ABCC1: variants seen among roughly 807,000 people sequenced by gnomAD.
ABCC1 encodes ATP binding cassette subfamily C member 1 (ABCC1 blood group), also known as multidrug resistance-associated protein 1.
In ABCC1, 83 loss-of-function variants were observed where a neutral mutation model predicts 172.9. The observed-to-expected ratio is 0.48, with a 90% CI of 0.40 to 0.58. The LOEUF (loss-of-function observed/expected upper bound fraction) is 0.58, where lower values mean the gene tolerates loss of function less well. ABCC1 is among the 20% of genes least tolerant of loss of function. The pLI is 0.00. For synonymous variants in ABCC1, 937 were observed against 825.2 expected, an observed-to-expected ratio of 1.14 and a Z score of -2.32; for missense variants, 1,817 against 2,002.7, an observed-to-expected ratio of 0.91 and a Z score of 1.77.
At chr16:16,026,464 CCTTTTTTTTTT>C (rs2048376302) in intron 5 of ABCC1, among the ~76,000 whole-genome samples, 1 of 102,260 alleles carries the variant, frequency 9.8e-6, no homozygotes. Flanking sequence ...AAGGCTATTT[CCTTTTTTTTTT>C]TTTTTTTTTT....
chr16:16,009,460 T>G (rs2047685062), intron 2 of ABCC1, among the ~76,000 whole-genome samples: 1 of 152,142 alleles, frequency 6.6e-6, no homozygotes, highest in Non-Finnish European at 1.5e-5. Flanking sequence ...GCGCCGGAGT[T>G]GCAGCTAGAG....
In ABCC1 at chr16:16,115,091, C is replaced by G. The variant is rs201402796; in HGVS notation, c.3390+15C>G. 2,118 of 1,611,022 alleles carry G rather than the reference C, an allele frequency of 1.3e-3. 51 individuals are homozygous for G. In the South Asian group the frequency reaches 0.022, roughly 17 times the overall value. On this transcript the variant is annotated intron_variant, in intron 23 of 30. Transcript: ENST00000399410. ...TCTTCGTCCAGGTAAGGGGTGAGGT[C>G]TTAGTGTTCGGGACAAGCCCTACTG...
At chr16:16,100,814 G>C (rs1437148167) in intron 19 of ABCC1, among the ~76,000 whole-genome samples, 1 of 152,092 alleles carries the variant, frequency 6.6e-6, no homozygotes, top group Non-Finnish European at 1.5e-5. Flanking sequence ...TTCCTGTTTT[G>C]CAGATGTGGA....
intron 15 of ABCC1, among the ~76,000 whole-genome samples, chr16:16,078,518 C>T (rs2050676852): frequency 6.6e-6 from 1 of 152,200 alleles, no homozygotes; most frequent in African/African-American, 2.4e-5. Flanking sequence ...GCACAGCGTC[C>T]TTCCAGGGCA....
intron 1 of ABCC1, among the ~76,000 whole-genome samples, chr16:15,963,254 C>A (rs1234799047): frequency 6.6e-6 from 1 of 152,244 alleles, no homozygotes; most frequent in Non-Finnish European, 1.5e-5. Context: ...GCAGCTCTGC[C>A]CCTGTGGCTT....
chr16:15,972,962 T>A (rs1425093413), intron 1 of ABCC1, among the ~76,000 whole-genome samples: 1 of 151,640 alleles, frequency 6.6e-6, no homozygotes, highest in African/African-American at 2.4e-5. Flanking sequence ...CATACCTGGC[T>A]AATTTTTATA....
chr16:16,107,665 AC>A (rs2052191610), intron 21 of ABCC1, among the ~76,000 whole-genome samples: 1 of 152,122 alleles, frequency 6.6e-6, no homozygotes, highest in African/African-American at 2.4e-5. Context: ...TGCCTTCTCA[AC>A]CTATCAACCA....
chr16:15,953,643 T>C (rs80272419), intron 1 of ABCC1, among the ~76,000 whole-genome samples: 5,060 of 152,248 alleles, frequency 0.033, 269 homozygotes, highest in African/African-American at 0.11. Flanking sequence ...AGTTAATTTT[T>C]GCTGTTGCAC....
Position 16,121,972 on chromosome 16 carries a change from C to A in ABCC1, c.3391-3C>A. 6.2e-7 allele frequency: 1 copy of A among 1,614,180 alleles called. No individual in the cohort carries two copies. Among genetic ancestry groups the A allele is most frequent in the Non-Finnish European group, 8.5e-7 (1 of 1,180,038 alleles). On this transcript the variant is annotated splice_polypyrimidine_tract_variant and splice_region_variant and intron_variant, in intron 23 of 30. Coordinates refer to ENST00000399410, the MANE Select transcript of ABCC1 (RefSeq NM_004996.4). Reference sequence around the variant, plus strand: ...AACTCCCCGCGTCTGTTCTCTACCCCAGAGGTTCTACGTGGCTTCCTCCCG... The same window carrying A: ...AACTCCCCGCGTCTGTTCTCTACCCAAGAGGTTCTACGTGGCTTCCTCCCG...
intron 7 of ABCC1, among the ~76,000 whole-genome samples, chr16:16,037,382 A>G (rs967672507): frequency 6.6e-6 from 1 of 151,916 alleles, no homozygotes; most frequent in East Asian, 1.9e-4. Flanking sequence ...CACCTCTGTC[A>G]CTCTTCGGGA....
intron 13 of ABCC1, among the ~76,000 whole-genome samples, chr16:16,069,987 T>C (rs1307122802): frequency 6.6e-6 from 1 of 152,088 alleles, no homozygotes; most frequent in Non-Finnish European, 1.5e-5. Context: ...GAGCCGAGAT[T>C]GTGCCACTGC....
intron 1 of ABCC1, among the ~76,000 whole-genome samples, chr16:15,975,148 C>T (rs1462030325): frequency 6.6e-6 from 1 of 152,154 alleles, no homozygotes; most frequent in Non-Finnish European, 1.5e-5. Context: ...CTGTATTTCT[C>T]GTTCTGCTTT....
At chr16:16,030,994 C>T (rs1450885142) in intron 5 of ABCC1, among the ~76,000 whole-genome samples, 1 of 152,022 alleles carries the variant, frequency 6.6e-6, no homozygotes, top group Admixed American at 6.6e-5. Context: ...CTTGCAGGCA[C>T]CCACCACCAC....
At chr16:15,950,429 A>AC (rs1437020071) in intron 1 of ABCC1, among the ~76,000 whole-genome samples, 1 of 151,942 alleles carries the variant, frequency 6.6e-6, no homozygotes, top group East Asian at 1.9e-4. Flanking sequence ...GCCCTACCTG[A>AC]CCCTCGGCTC....
At chr16:16,020,531 C>T (rs1196645000) in intron 5 of ABCC1, among the ~76,000 whole-genome samples, 2 of 152,178 alleles carry the variant, frequency 1.3e-5, no homozygotes, top group Non-Finnish European at 2.9e-5. Context: ...CACATAGTGT[C>T]TACAGGTGTC....
intron 19 of ABCC1, among the ~76,000 whole-genome samples, chr16:16,102,382 G>A (rs1184816893): frequency 1.3e-5 from 2 of 152,200 alleles, no homozygotes; most frequent in African/African-American, 2.4e-5. Context: ...GCCCTCAGTG[G>A]ATGGAGCCTT....
At chr16:15,978,545 T>C (rs978294787) in intron 1 of ABCC1, among the ~76,000 whole-genome samples, 1 of 152,174 alleles carries the variant, frequency 6.6e-6, no homozygotes, top group Non-Finnish European at 1.5e-5. Flanking sequence ...GTAATGGCCA[T>C]TTATGGACAA....
At chr16:16,015,243 G>A (rs1298443863) in intron 4 of ABCC1, among the ~76,000 whole-genome samples, 2 of 151,366 alleles carry the variant, frequency 1.3e-5, no homozygotes, top group South Asian at 2.1e-4. Flanking sequence ...ATGTTCAAGC[G>A]ATTCTCCTGC....
At chr16:16,099,953 G>A (rs1382476013) in intron 19 of ABCC1, among the ~76,000 whole-genome samples, 2 of 152,164 alleles carry the variant, frequency 1.3e-5, no homozygotes, top group Non-Finnish European at 2.9e-5. Context: ...AGGCACGGTG[G>A]TGCATGCCTG....
Sources: gnomAD v4.1 joint callset for allele counts (sites outside exome capture counted in the v4.1 genomes callset) on GRCh38, gnomAD v4.1.1 for gene constraint, MANE v1.5 for transcripts, NCBI Gene and HGNC (gene_info 2026-07-23, HGNC 2026-07-21) for gene names.